GOLGA3: variants seen among roughly 807,000 people sequenced by gnomAD.
The protein encoded by GOLGA3 is golgin subfamily A member 3.
In GOLGA3, 75 loss-of-function variants were observed where a neutral mutation model predicts 169.4. The ratio of observed to expected loss-of-function variants is 0.44; its 90% CI spans 0.37 to 0.54. The LOEUF (loss-of-function observed/expected upper bound fraction) is 0.54. Ranked by LOEUF, GOLGA3 falls within the 20% of genes least tolerant of loss-of-function variation. The pLI is 0.00. For synonymous variants in GOLGA3, 824 were observed against 822.4 expected (o/e 1.00, Z -0.03); for missense variants, 1,899 against 1,930.0 (o/e 0.98, Z 0.30).
chr12:132,791,261 C>A lies in GOLGA3; in HGVS notation c.2502G>T (p.Leu834=). ...VEHLQQETAA[L]KKQMQKIKEQ... ...CCTTTATTTTTTGCATTTGCTTTTT[C>A]AGAGCAGCAGTCTCCTGCTGCAGGT... The change falls in exon 12 of 24, where the codon CTG becomes CTT. Residue 834 remains leucine (L), a synonymous_variant. Transcript: ENST00000450791. The A allele has an allele frequency of 6.2e-7, 1 of 1,608,440 alleles. No homozygotes were observed. Among genetic ancestry groups the A allele is most frequent in the Non-Finnish European group, 8.5e-7 (1 of 1,176,104 alleles).
At position 132,780,877 on chromosome 12, in the gene GOLGA3, C is replaced by A; in HGVS notation, c.3503G>T (p.Arg1168Leu). Residue 1168 changes from arginine to leucine, a missense_variant, in exon 18 of 24, where the codon CGC (arginine) becomes CTC (leucine). By Grantham distance (102) the Arg-to-Leu change is moderately radical. Transcript: ENST00000450791. Reference protein sequence around the residue: ...AVLQRKEEEDRQMKHLVQALQ... With the variant: ...AVLQRKEEEDLQMKHLVQALQ... ...GGCCTGGACAAGATGCTTCATCTGG[C>A]GATCCTCCTCTTCTTTGCGCTGCAA... 2 of 1,612,156 alleles carry A rather than the reference C, an allele frequency of 1.2e-6. No homozygotes were observed. The highest frequency in any genetic ancestry group is 1.7e-6 in the Non-Finnish European group (2 of 1,179,988).
At position 132,821,941 on chromosome 12, in the gene GOLGA3, T is replaced by TC. The variant is rs566080613; in HGVS notation, c.133+54dup. 5,007 of 1,160,596 alleles carry TC rather than the reference T, an allele frequency of 4.3e-3. 17 individuals are homozygous for TC. The highest frequency in any genetic ancestry group is 5.0e-3 in the Non-Finnish European group (4,079 of 822,730). 71.9% of individuals were successfully genotyped at this position (1,160,596 alleles called of 1,614,324 possible). The stretch of plus-strand genomic sequence containing the variant: ...CACATCCTCCCTCAACACCACGTCC[T>TC]CCCTCAACACCAGGTCCTCCTGTGA... On this transcript the variant is annotated intron_variant, in intron 2 of 23. Coordinates refer to ENST00000450791, the MANE Select transcript of GOLGA3 (RefSeq NM_001389683.1).
rs532943607 is a variant in GOLGA3, at chr12:132,769,829, A to T, written c.*3276T>A. ...TATTCCATCATTCCCACTTCTGCCC[A>T]CAAGAACAAAATAATTCAAACTTTA... On this transcript the variant is annotated 3_prime_UTR_variant, in exon 24 of 24. Transcript: ENST00000450791. 2.6e-5 allele frequency: 4 copies of T among 152,338 alleles called. No homozygotes were observed. The highest frequency in any genetic ancestry group is 1.9e-4 in the East Asian group (1 of 5,192). The allele number at this position is 152,338 out of a possible 1,614,324, so 9.4% of individuals were successfully genotyped here.
At chr12:132,816,904 TC>T in intron 2 of GOLGA3, 92 bp from the exon 3 acceptor site, 1 of 1,121,400 alleles carries the variant, frequency 8.9e-7, no homozygotes. Flanking sequence ...GAGAAGAGGA[TC>T]CAGACTCATG....
At chr12:132,803,766 C>T (rs961570839) in intron 7 of GOLGA3, among the ~76,000 whole-genome samples, 7 of 152,136 alleles carry the variant, frequency 4.6e-5, no homozygotes, top group African/African-American at 1.4e-4. Context: ...GCCTCATAGG[C>T]GGACCGGCTC....
chr12:132,825,640 C>T (rs1450911275), intron 1 of GOLGA3: 2 of 744,786 alleles, frequency 2.7e-6, no homozygotes, highest in Non-Finnish European at 4.8e-6. Flanking sequence ...AGCTTCAGTT[C>T]CAATGAGGGA....
chr12:132,794,187 C>T (rs569651821), intron 11 of GOLGA3, among the ~76,000 whole-genome samples: 10 of 152,230 alleles, frequency 6.6e-5, no homozygotes, highest in South Asian at 2.1e-4. Flanking sequence ...TCAGCCCCCA[C>T]GTGGATACTG....
At chr12:132,814,906 C>T (rs1218994974) in intron 3 of GOLGA3, among the ~76,000 whole-genome samples, 3 of 152,256 alleles carry the variant, frequency 2.0e-5, no homozygotes, top group Admixed American at 6.5e-5. Flanking sequence ...CAGGGCTCCA[C>T]TTCCCAGGAC....
At chr12:132,809,511 A>G (rs1037129505) in intron 4 of GOLGA3, among the ~76,000 whole-genome samples, 1 of 139,024 alleles carries the variant, frequency 7.2e-6, no homozygotes, top group African/African-American at 2.7e-5. Flanking sequence ...CCGCTGGACC[A>G]CGATCCGCCT....
chr12:132,815,738 C>A (rs1039848766), intron 3 of GOLGA3, among the ~76,000 whole-genome samples: 2 of 151,968 alleles, frequency 1.3e-5, no homozygotes, highest in African/African-American at 4.8e-5. Context: ...TCTACACACA[C>A]AAAAAATTAA....
intron 8 of GOLGA3, among the ~76,000 whole-genome samples, chr12:132,799,745 T>G (rs1380430100): frequency 6.6e-6 from 1 of 152,122 alleles, no homozygotes; most frequent in Non-Finnish European, 1.5e-5. Flanking sequence ...GTTGGTTTTT[T>G]TTTTTTGAGA....
At chr12:132,809,631 G>C (rs944799045) in intron 4 of GOLGA3, among the ~76,000 whole-genome samples, 3 of 152,208 alleles carry the variant, frequency 2.0e-5, no homozygotes, top group African/African-American at 7.2e-5. Context: ...TTGCCTTCTG[G>C]TCACACCTCA....
intron 7 of GOLGA3, 106 bp from the exon 8 acceptor site, chr12:132,802,075 A>T: frequency 1.2e-6 from 1 of 824,698 alleles, no homozygotes; most frequent in South Asian, 1.6e-5. Context: ...GAGACCAAGA[A>T]TGAGTCAGTT....
intron 13 of GOLGA3, among the ~76,000 whole-genome samples, chr12:132,787,025 C>T (rs536426659): frequency 7.8e-4 from 118 of 151,976 alleles, no homozygotes; most frequent in Non-Finnish European, 1.5e-3. Context: ...GTGATCTCAG[C>T]TCACTGCAAC....
At chr12:132,821,872 A>AAC in intron 2 of GOLGA3, 124 bp downstream of exon 2, 1 of 666,660 alleles carries the variant, frequency 1.5e-6, no homozygotes, top group Non-Finnish European at 2.5e-6. Flanking sequence ...AAAAAAAAAA[A>AAC]AACAACTTTG....
In GOLGA3 at chr12:132,816,787, C is replaced by G; in HGVS notation, c.159G>C (p.Thr53=). ...CAGGTCCATCCGGGCTTTCCCCTTC[C>G]GTGGATGCTCTGTTTACCTCGGCAC... ...VQCAEVNRAS[T]EGESPDGPGQ... is the part of the protein sequence containing the mutation. Residue 53 remains threonine, a synonymous_variant, in exon 3 of 24, where the codon ACG becomes ACC. Coordinates refer to ENST00000450791, the MANE Select transcript of GOLGA3 (RefSeq NM_001389683.1). 6.2e-7 allele frequency: 1 copy of G among 1,603,434 alleles called. No homozygotes were observed. Among genetic ancestry groups the G allele is most frequent in the Non-Finnish European group, 8.5e-7 (1 of 1,171,662 alleles).
intron 18 of GOLGA3, among the ~76,000 whole-genome samples, chr12:132,778,053 G>A (rs999019862): frequency 6.6e-6 from 1 of 152,170 alleles, no homozygotes; most frequent in African/African-American, 2.4e-5. Context: ...GAGATTTCTC[G>A]GTCTAAATAG....
intron 11 of GOLGA3, 59 bp from the exon 12 acceptor site, chr12:132,791,352 C>G: frequency 1.1e-6 from 1 of 937,052 alleles, no homozygotes; most frequent in Non-Finnish European, 1.7e-6. Flanking sequence ...AATCTGTCTG[C>G]ACAGATGTTA....
At chr12:132,776,229 T>G (rs12825979) in intron 21 of GOLGA3, among the ~76,000 whole-genome samples, 21 of 30,516 alleles carry the variant, frequency 6.9e-4, no homozygotes, top group South Asian at 4.7e-3. Context: ...CAGCACCTCA[T>G]ACACAGGTAC....
Sources: gnomAD v4.1 joint callset for allele counts (sites outside exome capture counted in the v4.1 genomes callset) on GRCh38, gnomAD v4.1.1 for gene constraint, MANE v1.5 for transcripts, NCBI Gene and HGNC (gene_info 2026-07-23, HGNC 2026-07-21) for gene names.